Variants in MCTP1 observed in about 807,000 individuals in gnomAD.
The protein encoded by MCTP1 is multiple C2 and transmembrane domain containing 1.
MCTP1 carries 69 observed loss-of-function variants against 120.6 expected under a neutral mutation model. The ratio of observed to expected loss-of-function variants is 0.57; its 90% CI spans 0.47 to 0.70. The LOEUF is 0.70. MCTP1 is among the 30% of genes least tolerant of loss of function. The pLI, the probability that MCTP1 is intolerant of heterozygous loss-of-function variation, is 0.00. For missense variants in MCTP1, 1,203 were observed against 1,248.8 expected (o/e 0.96, Z 0.55); for synonymous variants, 529 against 493.1 (o/e 1.07, Z -0.96).
At chr5:95,277,521 C>A (rs925788425) in intron 1 of MCTP1, among the ~76,000 whole-genome samples, 5 of 152,204 alleles carry the variant, frequency 3.3e-5, no homozygotes, top group African/African-American at 1.2e-4. Flanking sequence ...TTCTAGCCCA[C>A]CCATTCATCC....
chr5:95,016,680 C>T (rs190341206), intron 2 of MCTP1, among the ~76,000 whole-genome samples: 130 of 152,100 alleles, frequency 8.5e-4, no homozygotes, highest in African/African-American at 3.0e-3. Context: ...CCTCCTGCAG[C>T]GCTCATATTC....
At chr5:95,166,698 G>T (rs781330326) in intron 1 of MCTP1, among the ~76,000 whole-genome samples, 2 of 151,254 alleles carry the variant, frequency 1.3e-5, no homozygotes, top group Non-Finnish European at 2.9e-5. Flanking sequence ...CTCCCGAGTA[G>T]CTGGGACCAC....
At chr5:95,018,919 G>A (rs531785352) in intron 1 of MCTP1, among the ~76,000 whole-genome samples, 22 of 152,108 alleles carry the variant, frequency 1.4e-4, no homozygotes, top group Admixed American at 2.6e-4. Context: ...GGCCACCAAT[G>A]ACAACAATTT....
chr5:95,182,794 C>T (rs892620940), intron 1 of MCTP1, among the ~76,000 whole-genome samples: 2 of 151,868 alleles, frequency 1.3e-5, no homozygotes, highest in African/African-American at 2.4e-5. Context: ...GAGGCCGAGG[C>T]GGGTGGATCA....
chr5:94,987,157 GCTAA>G (rs764026539), intron 2 of MCTP1, among the ~76,000 whole-genome samples: 6 of 152,102 alleles, frequency 3.9e-5, no homozygotes, highest in South Asian at 2.1e-4. Flanking sequence ...GATGGGAAAG[GCTAA>G]CTGTGTTGCA....
chr5:94,897,125 T>C (rs1402714642), intron 10 of MCTP1, among the ~76,000 whole-genome samples: 2 of 149,200 alleles, frequency 1.3e-5, no homozygotes, highest in South Asian at 2.2e-4. Context: ...GGTGCGATCA[T>C]GATCATGGCT....
At chr5:95,239,109 A>G (rs552252506) in intron 1 of MCTP1, among the ~76,000 whole-genome samples, 2 of 152,314 alleles carry the variant, frequency 1.3e-5, no homozygotes, top group South Asian at 2.1e-4. Flanking sequence ...CAAACGTAAC[A>G]TTTGGTCTCG....
chr5:94,933,328 T>C (rs1010697614), intron 5 of MCTP1, among the ~76,000 whole-genome samples: 1 of 151,834 alleles, frequency 6.6e-6, no homozygotes, highest in Non-Finnish European at 1.5e-5. Context: ...GGTGGCCATC[T>C]AGGGGGACAT....
At chr5:95,053,757 C>T (rs1024436356) in intron 1 of MCTP1, among the ~76,000 whole-genome samples, 9 of 152,248 alleles carry the variant, frequency 5.9e-5, no homozygotes, top group South Asian at 2.1e-4. Context: ...TTAAAAGTGA[C>T]GTTGTGGCCA....
intron 17 of MCTP1, among the ~76,000 whole-genome samples, chr5:94,842,628 G>A (rs758760449): frequency 3.1e-4 from 47 of 152,162 alleles, no homozygotes; most frequent in Non-Finnish European, 4.9e-4. Flanking sequence ...TAAAGATAGA[G>A]CAAATCCAAC....
intron 3 of MCTP1, among the ~76,000 whole-genome samples, chr5:94,950,693 C>T (rs1401613861): frequency 1.3e-5 from 2 of 151,998 alleles, no homozygotes; most frequent in African/African-American, 4.8e-5. Context: ...GTGGCTCGTG[C>T]CTGTAATCCC....
At chr5:95,054,306 G>C (rs1205470683) in intron 1 of MCTP1, among the ~76,000 whole-genome samples, 2 of 152,140 alleles carry the variant, frequency 1.3e-5, no homozygotes, top group African/African-American at 4.8e-5. Flanking sequence ...AAACTAAATA[G>C]AATCATTTTG....
At chr5:95,040,442 CAAAA>C (rs546825835) in intron 1 of MCTP1, among the ~76,000 whole-genome samples, 2 of 108,718 alleles carry the variant, frequency 1.8e-5, no homozygotes, top group Admixed American at 9.8e-5. Flanking sequence ...GACTCTGTCT[CAAAA>C]AAAAAAAAAA....
chr5:94,852,642 A>G (rs1793973259), intron 17 of MCTP1, among the ~76,000 whole-genome samples: 1 of 151,968 alleles, frequency 6.6e-6, no homozygotes, highest in Admixed American at 6.6e-5. Context: ...GGTATTGGGA[A>G]AATTGCCCAT....
intron 1 of MCTP1, among the ~76,000 whole-genome samples, chr5:95,199,691 C>G (rs1217309056): frequency 6.6e-6 from 1 of 151,872 alleles, no homozygotes; most frequent in African/African-American, 2.4e-5. Flanking sequence ...AATCCCGTCT[C>G]TATTAAAAAT....
chr5:94,829,428 A>C (rs896529045), intron 17 of MCTP1, among the ~76,000 whole-genome samples: 1 of 152,082 alleles, frequency 6.6e-6, no homozygotes, highest in African/African-American at 2.4e-5. Flanking sequence ...TCTTGCCCAG[A>C]TATCCGTTTT....
intron 1 of MCTP1, among the ~76,000 whole-genome samples, chr5:95,136,860 C>T (rs1296270716): frequency 6.6e-6 from 1 of 152,144 alleles, no homozygotes; most frequent in Non-Finnish European, 1.5e-5. Context: ...ATTGATCTGC[C>T]TTTCAGTCAA....
chr5:95,226,354 C>T lies in MCTP1; in HGVS notation c.720+57502G>A, dbSNP rs75282909. On this transcript the variant is annotated intron_variant, in intron 1 of 22. Transcript: ENST00000515393. ...GAAAGAGAACCTCCTCTTCTGAGTTCGCCTCCCTCTGCCTTGAACATGTAT... is the reference window on the plus strand; with the variant it reads ...GAAAGAGAACCTCCTCTTCTGAGTTTGCCTCCCTCTGCCTTGAACATGTAT... Among the ~76,000 whole-genome samples, 17 of 152,186 alleles carry T rather than the reference C, an allele frequency of 1.1e-4. No individual in the cohort carries two copies. In the East Asian group the frequency reaches 2.7e-3, roughly 24 times the overall value.
chr5:94,892,641 T>C (rs1171275709), intron 11 of MCTP1, among the ~76,000 whole-genome samples: 2 of 152,176 alleles, frequency 1.3e-5, no homozygotes, highest in Admixed American at 6.5e-5. Context: ...ACAACAGCAA[T>C]GGAGGGCTTT....
Sources: gnomAD v4.1 joint callset for allele counts (sites outside exome capture counted in the v4.1 genomes callset) on GRCh38, gnomAD v4.1.1 for gene constraint, MANE v1.5 for transcripts, NCBI Gene and HGNC (gene_info 2026-07-23, HGNC 2026-07-21) for gene names.